The following SLC25A13 variants were observed in gnomAD, a reference collection of about 807,000 sequenced individuals.
The protein encoded by SLC25A13 is electrogenic aspartate/glutamate antiporter SLC25A13, mitochondrial.
In SLC25A13, 70 loss-of-function variants were observed where a neutral mutation model predicts 85.5. The observed-to-expected ratio is 0.82, with a 90% CI of 0.68 to 1.00. SLC25A13 has a LOEUF of 1.00. SLC25A13 is among the 50% of genes least tolerant of loss of function. The pLI is 0.00. For synonymous variants in SLC25A13, 259 were observed against 288.7 expected (o/e 0.90, Z 1.04); for missense variants, 765 against 819.8 (o/e 0.93, Z 0.82).
intron 1 of SLC25A13, among the ~76,000 whole-genome samples, chr7:96,300,560 C>A (rs890373189): frequency 6.6e-6 from 1 of 152,160 alleles, no homozygotes; most frequent in Non-Finnish European, 1.5e-5. Flanking sequence ...TAAACTGGCT[C>A]ATAATTTAGA....
At chr7:96,158,205 T>G (rs575103596) in intron 13 of SLC25A13, among the ~76,000 whole-genome samples, 1 of 152,302 alleles carries the variant, frequency 6.6e-6, no homozygotes, top group African/African-American at 2.4e-5. Context: ...TTCTTGAGAC[T>G]TCAGGAGTCA....
chr7:96,171,463 A>C lies in SLC25A13; in HGVS notation c.1230+9T>G. 1 of 1,612,066 alleles carries C rather than the reference A, an allele frequency of 6.2e-7. No homozygotes were observed. The highest frequency in any genetic ancestry group is 8.5e-7 in the Non-Finnish European group (1 of 1,178,154). On this transcript the variant is annotated intron_variant, in intron 12 of 17. Coordinates refer to ENST00000265631, the MANE Select transcript of SLC25A13 (RefSeq NM_014251.3). The stretch of plus-strand genomic sequence containing the variant: ...CCCTTAATAAGAAGCACCAACTCAA[A>C]AGACTTACTGTAAGTTTTATGGCCT...
rs116748021 is a variant in SLC25A13, at chr7:96,183,469, C to T, written c.1177+808G>A. On this transcript the variant is annotated intron_variant, in intron 11 of 17. Transcript: ENST00000265631. ...GTAGGGGAGAGGAGGGAAAACTCTG[C>T]CAGCTTTGCCGCTGCCAAATTATAA... Among the ~76,000 whole-genome samples the T allele has an allele frequency of 4.2e-3, 640 of 152,234 alleles. 7 individuals carry two copies. Among genetic ancestry groups the T allele is most frequent in the African/African-American group, 0.014 (596 of 41,536 alleles).
intron 2 of SLC25A13, among the ~76,000 whole-genome samples, chr7:96,288,056 G>A (rs1798957942): frequency 1.3e-5 from 2 of 152,208 alleles, no homozygotes. Context: ...CAACCATAGA[G>A]ATCAGCTTAG....
rs764693182 is a variant in SLC25A13, at chr7:96,146,644, C to A, written c.1364G>T (p.Arg455Leu). ...GGTGATTTCTCCTGCCACTTGCAAA[C>A]GGATCTTGACGATTTCTAAAGGATT... is the stretch of plus-strand genomic sequence containing the variant. The part of the protein sequence containing the change: ...FTNPLEIVKI[R>L]LQVAGEITTG... The change falls in exon 14 of 18, where the codon CGT (arginine) becomes CTT (leucine). Residue 455 changes from arginine (R) to leucine (L), a missense_variant. Transcript: ENST00000265631. 3 of 1,613,956 alleles carry A rather than the reference C, an allele frequency of 1.9e-6. No individual in the cohort carries two copies. The highest frequency in any genetic ancestry group is 1.1e-5 in the South Asian group (1 of 91,066).
Position 96,184,639 on chromosome 7 carries a change from T to C in SLC25A13, c.1019-204A>G, listed in dbSNP as rs1278260775. On this transcript the variant is annotated intron_variant, in intron 10 of 17. Transcript: ENST00000265631. ...AGTATCCCCTAATAAAAGGATGTCA[T>C]AGATATTTTAAATTAAGGCACATTG... 9 of 646,830 alleles carry C rather than the reference T, an allele frequency of 1.4e-5. No individual in the cohort carries two copies. The East Asian group carries it at 1.6e-4, about 12-fold the overall frequency. 40.1% of individuals were successfully genotyped at this position (646,830 alleles called of 1,614,324 possible).
At chr7:96,186,767 C>T (rs1174929890) in intron 9 of SLC25A13, among the ~76,000 whole-genome samples, 1 of 151,926 alleles carries the variant, frequency 6.6e-6, no homozygotes, top group Non-Finnish European at 1.5e-5. Flanking sequence ...ATTCTTTGTA[C>T]CTATTTAAAT....
At chr7:96,245,483 T>C (rs1292899336) in intron 3 of SLC25A13, among the ~76,000 whole-genome samples, 3 of 152,154 alleles carry the variant, frequency 2.0e-5, no homozygotes, top group Non-Finnish European at 4.4e-5. Flanking sequence ...ATTCACCATC[T>C]CCACAATTCT....
intron 14 of SLC25A13, among the ~76,000 whole-genome samples, chr7:96,141,972 C>G (rs1366977127): frequency 2.0e-5 from 3 of 152,242 alleles, no homozygotes; most frequent in African/African-American, 7.2e-5. Context: ...TATCTTCAAA[C>G]TAGAAACATA....
At chr7:96,212,753 A>C (rs1795749807) in intron 4 of SLC25A13, among the ~76,000 whole-genome samples, 1 of 152,162 alleles carries the variant, frequency 6.6e-6, no homozygotes, top group Non-Finnish European at 1.5e-5. Flanking sequence ...CATTATTTTA[A>C]AGCCCCCGGG....
intron 5 of SLC25A13, among the ~76,000 whole-genome samples, chr7:96,196,426 G>GA (rs1367575228): frequency 6.6e-6 from 1 of 152,166 alleles, no homozygotes; most frequent in Non-Finnish European, 1.5e-5. Context: ...CATCTCCTCA[G>GA]AAAGCAGGAA....
intron 3 of SLC25A13, among the ~76,000 whole-genome samples, chr7:96,272,317 CA>C (rs1188263651): frequency 4.6e-5 from 7 of 152,002 alleles, no homozygotes; most frequent in African/African-American, 7.2e-5. Flanking sequence ...GAGAGAGACA[CA>C]AAATTTAAAA....
intron 13 of SLC25A13, among the ~76,000 whole-genome samples, chr7:96,158,917 G>A (rs1024348088): frequency 4.6e-5 from 7 of 152,194 alleles, no homozygotes; most frequent in African/African-American, 1.7e-4. Context: ...GTTAAATAGA[G>A]ACATGAAAAT....
chr7:96,235,224 A>G (rs1015415234), intron 3 of SLC25A13, among the ~76,000 whole-genome samples: 2 of 152,352 alleles, frequency 1.3e-5, no homozygotes, highest in East Asian at 3.9e-4. Flanking sequence ...TTTGGGTTCT[A>G]TAATAAAAGT....
chr7:96,243,094 A>C (rs545366769), intron 3 of SLC25A13, among the ~76,000 whole-genome samples: 5 of 152,156 alleles, frequency 3.3e-5, no homozygotes, highest in Non-Finnish European at 1.5e-5. Context: ...CCTCCTGAGA[A>C]GCTGGGGATT....
intron 1 of SLC25A13, among the ~76,000 whole-genome samples, chr7:96,303,780 G>A (rs1435161533): frequency 3.3e-5 from 5 of 151,696 alleles, no homozygotes; most frequent in Non-Finnish European, 7.4e-5. Flanking sequence ...TCTCCACTTG[G>A]CAGGCAGCAT....
rs544333452 is a variant in SLC25A13 at position 96,120,587 on chromosome 7, T to C, written c.*604A>G. ...GTACAAAGGCATTTCCCTAGTAGTC[T>C]TGGTACCAGTAACAATATGATTACT... is the stretch of plus-strand genomic sequence containing the variant. On this transcript the variant is annotated 3_prime_UTR_variant, in exon 18 of 18. Transcript: ENST00000265631. The C allele has an allele frequency of 8.4e-5, 38 of 454,550 alleles. No homozygotes were observed. The East Asian group carries it at 2.4e-3, about 29-fold the overall frequency. The allele number at this position is 454,550 out of a possible 1,614,324, so 28.2% of individuals were successfully genotyped here. A position where few individuals can be genotyped will look rare whatever the true frequency, so the allele number is the denominator to read the frequency against.
intron 13 of SLC25A13, among the ~76,000 whole-genome samples, chr7:96,164,321 T>C (rs1424728646): frequency 6.6e-6 from 1 of 152,186 alleles, no homozygotes; most frequent in Non-Finnish European, 1.5e-5. Flanking sequence ...AGCTCCAAGC[T>C]GATTGCCATT....
intron 1 of SLC25A13, among the ~76,000 whole-genome samples, chr7:96,300,949 T>G (rs977326333): frequency 6.6e-6 from 1 of 152,336 alleles, no homozygotes; most frequent in East Asian, 1.9e-4. Flanking sequence ...TCTTCTTGTT[T>G]TAAGTGTCAT....
Sources: gnomAD v4.1 joint callset for allele counts (sites outside exome capture counted in the v4.1 genomes callset) on GRCh38, gnomAD v4.1.1 for gene constraint, MANE v1.5 for transcripts, NCBI Gene and HGNC (gene_info 2026-07-23, HGNC 2026-07-21) for gene names.